MACF1: variants seen among roughly 807,000 people sequenced by gnomAD.
MACF1 encodes the protein microtubule-actin cross-linking factor 1.
A neutral mutation model predicts 854.8 loss-of-function variants in MACF1; 193 were observed. The ratio of observed to expected loss-of-function variants is 0.23; its 90% confidence interval spans 0.20 to 0.25. The LOEUF is 0.25. Among genes scored for constraint, MACF1 ranks in the 10% least tolerant of loss-of-function variants. The probability of loss-of-function intolerance (pLI) is 1.00; values close to 1 mark genes in which losing one functional copy is unlikely to be tolerated. For synonymous variants in MACF1, 3,185 were observed against 3,226.7 expected (o/e 0.99, Z 0.44); for missense variants, 7,722 against 8,929.1 (o/e 0.86, Z 5.45).
chr1:39,420,692 G>A (rs1012422743), intron 58 of MACF1, among the ~76,000 whole-genome samples: 2 of 151,868 alleles, frequency 1.3e-5, no homozygotes, highest in Admixed American at 1.3e-4. Flanking sequence ...ACCAAAATTG[G>A]TCTTACTCAA....
chr1:39,230,360 A>G (rs935964878), intron 1 of MACF1, among the ~76,000 whole-genome samples: 5 of 152,198 alleles, frequency 3.3e-5, no homozygotes, highest in African/African-American at 1.2e-4. Context: ...GGAAGGGGAT[A>G]GGCCACGGAG....
chr1:39,283,199 G>T lies in MACF1; in HGVS notation c.706G>T (p.Val236Leu). 6.2e-7 allele frequency: 1 copy of T among 1,610,672 alleles called. No homozygotes were observed. Among genetic ancestry groups the T allele is most frequent in the Non-Finnish European group, 8.5e-7 (1 of 1,176,930 alleles). Reference sequence around the variant, plus strand: ...GCTGGACTTTTACAGACCCGATCTAGTAGACATGGAGAGGGTGCAAATCCA... The same window carrying T: ...GCTGGACTTTTACAGACCCGATCTATTAGACATGGAGAGGGTGCAAATCCA... ...ALIHRYRPDLVDMERVQIQSN... is the reference protein window; with the variant it reads ...ALIHRYRPDLLDMERVQIQSN... The change falls in exon 8 of 101, where the codon GTA becomes TTA. Residue 236 changes from valine to leucine, a missense_variant. Coordinates refer to ENST00000564288, the MANE Select transcript of MACF1 (RefSeq NM_001394062.1). The surrounding 1 kb of genome is among the most constrained non-coding windows in gnomAD (Gnocchi z 4.5).
chr1:39,145,803 G>C (rs1432185194), intron 2 of MACF1, among the ~76,000 whole-genome samples: 1 of 152,212 alleles, frequency 6.6e-6, no homozygotes, highest in East Asian at 1.9e-4. Flanking sequence ...TGTGTGTACA[G>C]TGATGACTCT....
In MACF1 at chr1:39,283,524, A is replaced by G; in HGVS notation, c.915+9A>G. 1 of 1,570,188 alleles carries G rather than the reference A, an allele frequency of 6.4e-7. No individual in the cohort carries two copies. Among genetic ancestry groups the G allele is most frequent in the Non-Finnish European group, 8.8e-7 (1 of 1,140,404 alleles). On this transcript the variant is annotated intron_variant, in intron 9 of 100. Transcript: ENST00000564288. The surrounding 1 kb of genome is among the most constrained non-coding windows in gnomAD (Gnocchi z 4.5). ...AAGGGATCAGTGCTACGGTAAAAGA[A>G]CATTTTCCTAGAAGGCCTTCTGACT...
At chr1:39,441,658 C>T (rs1439899037) in intron 74 of MACF1, among the ~76,000 whole-genome samples, 1 of 152,178 alleles carries the variant, frequency 6.6e-6, no homozygotes, top group African/African-American at 2.4e-5. Context: ...ACAGTTGCTT[C>T]AGAACATCAT....
At chr1:39,275,272 CG>C (rs1645412173) in intron 6 of MACF1, among the ~76,000 whole-genome samples, 1 of 151,936 alleles carries the variant, frequency 6.6e-6, no homozygotes, top group Non-Finnish European at 1.5e-5. Context: ...TTAGTAGAGA[CG>C]GGGTTTCACT....
chr1:39,297,879 G>T lies in MACF1; in HGVS notation c.2481+134G>T, dbSNP rs568864376. The T allele has an allele frequency of 6.1e-6, 6 of 976,248 alleles. No homozygotes were observed. In the African/African-American group the frequency reaches 8.2e-5, roughly 13 times the overall value. The allele number at this position is 976,248 out of a possible 1,614,324, so 60.5% of individuals were successfully genotyped here. On this transcript the variant is annotated intron_variant, in intron 21 of 100. Transcript: ENST00000564288. ...ATAAAGTTTGGCTTACATTCAAATA[G>T]AGTTTAATCGATGTTGTTCTGTCTC...
chr1:39,483,633 A>C (rs1305625166), intron 99 of MACF1, among the ~76,000 whole-genome samples: 1 of 152,208 alleles, frequency 6.6e-6, no homozygotes, highest in East Asian at 1.9e-4. Context: ...TGATTTCCCA[A>C]GAGAGAAGCA....
chr1:39,326,636 G>A (rs1246605378), intron 35 of MACF1, among the ~76,000 whole-genome samples: 3 of 134,042 alleles, frequency 2.2e-5, no homozygotes, highest in East Asian at 4.4e-4. Flanking sequence ...AGCCAAGATC[G>A]CACCACTGCA....
At chr1:39,380,867 G>A (rs1239578487) in intron 55 of MACF1, among the ~76,000 whole-genome samples, 1 of 151,992 alleles carries the variant, frequency 6.6e-6, no homozygotes, top group East Asian at 1.9e-4. Flanking sequence ...AGCTATGATT[G>A]TGCCACTGAA....
chr1:39,147,213 TC>T (rs1156383667), intron 2 of MACF1, among the ~76,000 whole-genome samples: 1 of 150,572 alleles, frequency 6.6e-6, no homozygotes, highest in African/African-American at 2.4e-5. Context: ...CTCCTCACCT[TC>T]CCCTTTTCCC....
At chr1:39,408,962 C>T (rs1024716005) in intron 58 of MACF1, among the ~76,000 whole-genome samples, 1 of 151,980 alleles carries the variant, frequency 6.6e-6, no homozygotes, top group African/African-American at 2.4e-5. Context: ...CGCCCTCGTC[C>T]TCCTTCCTGT....
chr1:39,370,002 G>A (rs747899340), intron 50 of MACF1, 28 bp from the exon 51 acceptor site: 5 of 1,595,238 alleles, frequency 3.1e-6, no homozygotes, highest in Non-Finnish European at 3.4e-6. Context: ...ACTTAGTCTG[G>A]CAAGTAACAA....
At chr1:39,187,115 G>A (rs185403795) in intron 2 of MACF1, among the ~76,000 whole-genome samples, 17 of 151,352 alleles carry the variant, frequency 1.1e-4, no homozygotes, top group African/African-American at 3.2e-4. Context: ...AAAGTCACAC[G>A]TTATTGCCGT....
At chr1:39,354,200 C>T (rs565293656) in intron 44 of MACF1, among the ~76,000 whole-genome samples, 1 of 152,226 alleles carries the variant, frequency 6.6e-6, no homozygotes, top group African/African-American at 2.4e-5. Context: ...TCTCACTTTC[C>T]TCTGGGCCTT....
At chr1:39,270,472 G>A (rs577485301) in intron 6 of MACF1, among the ~76,000 whole-genome samples, 45 of 152,312 alleles carry the variant, frequency 3.0e-4, no homozygotes, top group African/African-American at 1.1e-3. Context: ...TGCTGGTGGT[G>A]GTGGTAATGG....
At chr1:39,411,550 G>T in intron 58 of MACF1, 1 of 1,613,858 alleles carries the variant, frequency 6.2e-7, no homozygotes. Context: ...GGATATTCTC[G>T]GTGAGGTGGC....
At chr1:39,120,244 G>T (rs1642664411) in intron 2 of MACF1, among the ~76,000 whole-genome samples, 2 of 151,942 alleles carry the variant, frequency 1.3e-5, no homozygotes, top group South Asian at 4.2e-4. Context: ...AACTGCATAA[G>T]CCTTTAACCT....
At chr1:39,351,709 C>G (rs778215565) in intron 43 of MACF1, among the ~76,000 whole-genome samples, 1 of 150,896 alleles carries the variant, frequency 6.6e-6, no homozygotes, top group Admixed American at 6.6e-5. Context: ...GCCTCAGCCT[C>G]CTGAGTAGCT....
Sources: allele counts gnomAD v4.1 joint callset (sites outside exome capture counted in the v4.1 genomes callset), GRCh38; gene constraint gnomAD v4.1.1; non-coding constraint Gnocchi (gnomAD v3.1); transcripts MANE v1.5; gene names NCBI Gene and HGNC (gene_info 2026-07-23, HGNC 2026-07-21).